THSD7B: variants seen among roughly 807,000 people sequenced by gnomAD.
THSD7B encodes the protein thrombospondin type 1 domain containing 7B, also known as thrombospondin type-1 domain-containing protein 7B.
A neutral mutation model predicts 213.6 loss-of-function variants in THSD7B; 138 were observed. The ratio of observed to expected loss-of-function variants is 0.65; its 90% CI spans 0.56 to 0.74. The LOEUF (loss-of-function observed/expected upper bound fraction) is 0.74, where lower values mean the gene tolerates loss of function less well. THSD7B is among the 30% of genes least tolerant of loss of function. The pLI, the probability that THSD7B is intolerant of heterozygous loss-of-function variation, is 0.00. For synonymous variants in THSD7B, 742 were observed against 687.0 expected (o/e 1.08, Z -1.25); for missense variants, 1,931 against 1,991.5 (o/e 0.97, Z 0.58).
At chr2:136,889,889 C>T (rs570548038) in intron 2 of THSD7B, among the ~76,000 whole-genome samples, 107 of 152,164 alleles carry the variant, frequency 7.0e-4, no homozygotes, top group Admixed American at 2.1e-3. Context: ...TCGTGTTTTC[C>T]AGAACTGCTA....
chr2:137,332,141 A>C (rs889272649), intron 12 of THSD7B, among the ~76,000 whole-genome samples: 1 of 151,972 alleles, frequency 6.6e-6, no homozygotes, highest in African/African-American at 2.4e-5. Flanking sequence ...AGCGAGGGCT[A>C]TGAGGACTGC....
At position 137,095,044 on chromosome 2, in the gene THSD7B, A is replaced by C; in HGVS notation, c.1122A>C (p.Gly374=). The C allele has an allele frequency of 1.2e-6, 2 of 1,613,776 alleles. No individual in the cohort carries two copies. Among genetic ancestry groups the C allele is most frequent in the Non-Finnish European group, 1.7e-6 (2 of 1,179,848 alleles). Residue 374 remains glycine (G), a synonymous_variant, in exon 4 of 28, where the codon GGA becomes GGC. Transcript: ENST00000409968. ...RSRNVKHMAI[G]GGKECPELLE... ...GGAACGTGAAGCACATGGCTATTGG[A>C]GGTGGAAAGGAGTGTCCTGAACTTC...
intron 11 of THSD7B, among the ~76,000 whole-genome samples, chr2:137,273,653 G>A (rs749501042): frequency 2.0e-5 from 3 of 152,104 alleles, no homozygotes; most frequent in South Asian, 2.1e-4. Flanking sequence ...GAAAGATATC[G>A]TTGAAGAAGG....
intron 1 of THSD7B, among the ~76,000 whole-genome samples, chr2:136,837,250 A>G (rs1486914418): frequency 6.6e-6 from 1 of 152,172 alleles, no homozygotes; most frequent in East Asian, 1.9e-4. Context: ...ATGGCCTGTA[A>G]GATCTGCCAG....
At chr2:137,362,982 G>C (rs1488943519) in intron 12 of THSD7B, among the ~76,000 whole-genome samples, 1 of 152,138 alleles carries the variant, frequency 6.6e-6, no homozygotes, top group Non-Finnish European at 1.5e-5. Flanking sequence ...CCACATAGTT[G>C]GGAGTAAAGC....
chr2:137,576,270 CTG>C (rs1363701930), intron 17 of THSD7B, among the ~76,000 whole-genome samples: 1 of 152,078 alleles, frequency 6.6e-6, no homozygotes, highest in Non-Finnish European at 1.5e-5. Context: ...AATTTCCAAA[CTG>C]TTGTATATTT....
intron 14 of THSD7B, among the ~76,000 whole-genome samples, chr2:137,447,590 T>C (rs1436064300): frequency 1.3e-5 from 2 of 152,138 alleles, no homozygotes; most frequent in Non-Finnish European, 2.9e-5. Flanking sequence ...GAAATGACTG[T>C]AAAATTAAAA....
chr2:137,534,018 GCACA>G (rs1158544636), intron 15 of THSD7B, among the ~76,000 whole-genome samples: 21,815 of 113,264 alleles, frequency 0.19, 1,623 homozygotes, highest in South Asian at 0.3. Context: ...GTGTGTGCGC[GCACA>G]CACACACACA....
chr2:136,945,290 T>G (rs1573725978), intron 2 of THSD7B, among the ~76,000 whole-genome samples: 1 of 151,978 alleles, frequency 6.6e-6, no homozygotes, highest in Non-Finnish European at 1.5e-5. Context: ...CTTGTGCATG[T>G]GTCACTTGGT....
intron 12 of THSD7B, among the ~76,000 whole-genome samples, chr2:137,398,457 C>A (rs962752301): frequency 5.3e-5 from 8 of 151,706 alleles, no homozygotes; most frequent in African/African-American, 9.7e-5. Context: ...CTGGGGGGTG[C>A]CTCCCAGTTA....
chr2:136,823,439 G>A (rs1356686318), intron 1 of THSD7B, among the ~76,000 whole-genome samples: 2 of 152,096 alleles, frequency 1.3e-5, no homozygotes, highest in Non-Finnish European at 2.9e-5. Flanking sequence ...GACGCAAGAC[G>A]GACTCCTTAA....
At chr2:137,268,673 A>G (rs1443502903) in intron 10 of THSD7B, among the ~76,000 whole-genome samples, 1 of 152,042 alleles carries the variant, frequency 6.6e-6, no homozygotes, top group Non-Finnish European at 1.5e-5. Flanking sequence ...AGCCCATTTT[A>G]TCAGCAAGGT....
intron 15 of THSD7B, among the ~76,000 whole-genome samples, chr2:137,510,633 G>A (rs1679941534): frequency 6.6e-6 from 1 of 152,050 alleles, no homozygotes; most frequent in South Asian, 2.1e-4. Context: ...CTTTTAGTAT[G>A]CTTTATAGTG....
Position 137,465,272 on chromosome 2 carries a change from G to A in THSD7B, c.3138+14249G>A, listed in dbSNP as rs184743171. Among the ~76,000 whole-genome samples, 170 of 152,010 alleles carry A rather than the reference G, an allele frequency of 1.1e-3. 1 individual carries two copies. Among genetic ancestry groups the A allele is most frequent in the African/African-American group, 3.9e-3 (161 of 41,500 alleles). ...TCATAAAAAAAAAAAAGAGTACCTG[G>A]CTGAACATAACTAAGACATTCCAGG... On this transcript the variant is annotated intron_variant, in intron 15 of 27. Transcript: ENST00000409968.
chr2:136,915,441 T>C (rs1172626223), intron 2 of THSD7B, among the ~76,000 whole-genome samples: 5 of 152,230 alleles, frequency 3.3e-5, no homozygotes, highest in African/African-American at 9.6e-5. Flanking sequence ...AGGAACTTTA[T>C]TAGAAAATGC....
chr2:137,515,792 C>T (rs1197599858), intron 15 of THSD7B, among the ~76,000 whole-genome samples: 2 of 152,120 alleles, frequency 1.3e-5, no homozygotes, highest in Non-Finnish European at 2.9e-5. Flanking sequence ...GCCTAATCTC[C>T]CTTGGTTTAA....
chr2:137,396,050 C>T (rs1686176129), intron 12 of THSD7B, among the ~76,000 whole-genome samples: 2 of 151,946 alleles, frequency 1.3e-5, no homozygotes, highest in Admixed American at 6.6e-5. Context: ...TGATTCTTCT[C>T]TCTCTTTTTC....
intron 17 of THSD7B, among the ~76,000 whole-genome samples, chr2:137,608,875 G>C (rs1415679205): frequency 1.3e-5 from 2 of 152,190 alleles, no homozygotes; most frequent in African/African-American, 4.8e-5. Context: ...CCTTCTAACT[G>C]ACCAGATTAG....
At chr2:137,366,490 A>G (rs759622554) in intron 12 of THSD7B, among the ~76,000 whole-genome samples, 7 of 152,182 alleles carry the variant, frequency 4.6e-5, no homozygotes, top group African/African-American at 1.2e-4. Flanking sequence ...GAAGGATCAA[A>G]TAAGAGAATA....
Sources: gnomAD v4.1 joint callset for allele counts (sites outside exome capture counted in the v4.1 genomes callset) on GRCh38, gnomAD v4.1.1 for gene constraint, MANE v1.5 for transcripts, NCBI Gene and HGNC (gene_info 2026-07-23, HGNC 2026-07-21) for gene names.